Variants in EVX2 observed in about 807,000 individuals in gnomAD.
The protein encoded by EVX2 is homeobox even-skipped homolog protein 2.
A neutral mutation model predicts 19.2 loss-of-function variants in EVX2; 10 were observed. That is an observed-to-expected ratio of 0.52 (90% CI 0.32 to 0.89). The LOEUF (loss-of-function observed/expected upper bound fraction) is 0.89. EVX2 is among the 40% of genes least tolerant of loss of function. The pLI is 0.03. For synonymous variants in EVX2, 354 were observed against 328.4 expected (o/e 1.08, Z -0.84); for missense variants, 710 against 694.9 (o/e 1.02, Z -0.24).
chr2:176,083,320 T>C lies in EVX2; in HGVS notation c.427+30A>G, dbSNP rs1464698928. Reference sequence around the variant, plus strand: ...CGCGGAGGAGCAAAGAGGATGGGACTGGAGAGCGCGGTGCGGCCGGCGCGG... The same window carrying C: ...CGCGGAGGAGCAAAGAGGATGGGACCGGAGAGCGCGGTGCGGCCGGCGCGG... On this transcript the variant is annotated intron_variant, in intron 1 of 2. Coordinates refer to ENST00000308618, the MANE Select transcript of EVX2 (RefSeq NM_001080458.2). This position sits in a 1 kb window ranked among gnomAD's most constrained non-coding sequence, Gnocchi z 4.4. 1.6e-5 allele frequency: 25 copies of C among 1,549,594 alleles called. No individual in the cohort carries two copies. The highest frequency in any genetic ancestry group is 2.1e-5 in the Non-Finnish European group (24 of 1,145,600).
In EVX2 at chr2:176,079,503, C is replaced by G. The variant is rs1046336170; in HGVS notation, c.*604G>C. 1.3e-5 allele frequency: 2 copies of G among 152,368 alleles called. No homozygotes were observed. The highest frequency in any genetic ancestry group is 2.9e-5 in the Non-Finnish European group (2 of 68,178). The allele number at this position is 152,368 out of a possible 1,614,324, so 9.4% of individuals were successfully genotyped here. Reference sequence around the variant, plus strand: ...ACCACCGCTGCCCACGCTCTCCATCCGTCCTCCCGGCCTTATCAGACCTCC... The same window carrying G: ...ACCACCGCTGCCCACGCTCTCCATCGGTCCTCCCGGCCTTATCAGACCTCC... On this transcript the variant is annotated 3_prime_UTR_variant, in exon 3 of 3. Coordinates refer to ENST00000308618, the MANE Select transcript of EVX2 (RefSeq NM_001080458.2). This position sits in a 1 kb window ranked among gnomAD's most constrained non-coding sequence, Gnocchi z 4.4.
At position 176,081,206 on chromosome 2, in the gene EVX2, C is replaced by A. The variant is rs976337609; in HGVS notation, c.700-368G>T. Among the ~76,000 whole-genome samples, 7 of 152,160 alleles carry A rather than the reference C, an allele frequency of 4.6e-5. No homozygotes were observed. Among genetic ancestry groups the A allele is most frequent in the African/African-American group, 9.7e-5 (4 of 41,450 alleles). Reference sequence around the variant, plus strand: ...CCGTCTCTCAATCCCAGGATTTGTACGGGGATTCTGGGCAGCCTTTGAAGA... The same window carrying A: ...CCGTCTCTCAATCCCAGGATTTGTAAGGGGATTCTGGGCAGCCTTTGAAGA... On this transcript the variant is annotated intron_variant, in intron 2 of 2. Coordinates refer to ENST00000308618, the MANE Select transcript of EVX2 (RefSeq NM_001080458.2). This position sits in a 1 kb window ranked among gnomAD's most constrained non-coding sequence, Gnocchi z 5.9.
At position 176,083,707 on chromosome 2, in the gene EVX2, T is replaced by C. The variant is rs1287985277; in HGVS notation, c.70A>G (p.Arg24Gly). 1 of 1,613,994 alleles carries C rather than the reference T, an allele frequency of 6.2e-7. No homozygotes were observed. The highest frequency in any genetic ancestry group is 1.1e-5 in the South Asian group (1 of 91,086). The change falls in exon 1 of 3, where the codon AGA becomes GGA. Residue 24 changes from arginine to glycine, a missense_variant. Physicochemically the swap from Arg to Gly is moderately radical, Grantham distance 125. Coordinates refer to ENST00000308618, the MANE Select transcript of EVX2 (RefSeq NM_001080458.2). This position sits in a 1 kb window ranked among gnomAD's most constrained non-coding sequence, Gnocchi z 4.4. ...GCCGAGTTGGACAAATTGGAGAATC[T>C]CTTGCCCGCCGTAGGGCTGTGCAGC... The part of the protein sequence containing the change: ...RGLHSPTAGK[R>G]FSNLSNSAGN...
At position 176,080,806 on chromosome 2, in the gene EVX2, C is replaced by T; in HGVS notation, c.732G>A (p.Lys244=). Residue 244 remains lysine (K), a synonymous_variant, in exon 3 of 3, where the codon AAG becomes AAA. Coordinates refer to ENST00000308618, the MANE Select transcript of EVX2 (RefSeq NM_001080458.2). The surrounding 1 kb of genome is among the most constrained non-coding windows in gnomAD (Gnocchi z 7.0). ...GCCAGGACATGGCCAGGCGCTGCCG[C>T]TTGTCCTTCATGCGCCGGTTCTGGA... The part of the protein sequence containing the change: ...VWFQNRRMKD[K]RQRLAMSWPH... 1 of 1,612,418 alleles carries T rather than the reference C, an allele frequency of 6.2e-7. No homozygotes were observed. The highest frequency in any genetic ancestry group is 8.5e-7 in the Non-Finnish European group (1 of 1,179,744).
rs1368150485 is a variant in EVX2 at position 176,083,082 on chromosome 2, G to C, written c.427+268C>G. ...CCGGCTCGCTCGGGCTCTTAGACAC[G>C]AGCGCAGAAACATTTTCTCGGACTC... On this transcript the variant is annotated intron_variant, in intron 1 of 2. Transcript: ENST00000308618. The surrounding 1 kb of genome is among the most constrained non-coding windows in gnomAD (Gnocchi z 4.4). Among the ~76,000 whole-genome samples, 1 of 152,192 alleles carries C rather than the reference G, an allele frequency of 6.6e-6. No individual in the cohort carries two copies. Among genetic ancestry groups the C allele is most frequent in the Non-Finnish European group, 1.5e-5 (1 of 68,036 alleles).
rs897515005 is a variant in EVX2, at chr2:176,080,227, G to T, written c.1311C>A (p.Phe437Leu). 1.9e-5 allele frequency: 27 copies of T among 1,436,838 alleles called. No individual in the cohort carries two copies. The African/African-American group carries it at 4.0e-4, about 21-fold the overall frequency. 89.0% of individuals were successfully genotyped at this position (1,436,838 alleles called of 1,614,324 possible). A position where few individuals can be genotyped will look rare whatever the true frequency, so the allele number is the denominator to read the frequency against. The stretch of plus-strand genomic sequence containing the variant: ...AACGCGGCGCCGCCGCGCTGCAGCC[G>T]AAGTCCGAGCCTCCCCCGGCCCCGG... ...GGAGAGGGSD[F>L]GCSAAAPRSE... The change falls in exon 3 of 3, where the codon TTC becomes TTA. Residue 437 changes from phenylalanine (F) to leucine (L), a missense_variant. Coordinates refer to ENST00000308618, the MANE Select transcript of EVX2 (RefSeq NM_001080458.2). The surrounding 1 kb of genome is among the most constrained non-coding windows in gnomAD (Gnocchi z 7.0).
rs1271751198 is a variant in EVX2, at chr2:176,081,081, C to G, written c.700-243G>C. 6.6e-6 allele frequency among the ~76,000 whole-genome samples: 1 copy of G among 152,190 alleles called. No individual in the cohort carries two copies. The highest frequency in any genetic ancestry group is 1.5e-5 in the Non-Finnish European group (1 of 68,034). On this transcript the variant is annotated intron_variant, in intron 2 of 2. Transcript: ENST00000308618. The surrounding 1 kb of genome is among the most constrained non-coding windows in gnomAD (Gnocchi z 5.9). ...TCCCCCGCGTCCGGCTGCTGCTGCTCCTCAGGCTTTTATTCCCTTACTTCT... is the reference window on the plus strand; with the variant it reads ...TCCCCCGCGTCCGGCTGCTGCTGCTGCTCAGGCTTTTATTCCCTTACTTCT...
chr2:176,082,452 G>A lies in EVX2; in HGVS notation c.428-3C>T. ...AGCCGAGCCGCTCTCTGCGTACCCTGGCAAACAAACGACCAACAGCGCATG... is the reference window on the plus strand; with the variant it reads ...AGCCGAGCCGCTCTCTGCGTACCCTAGCAAACAAACGACCAACAGCGCATG... On this transcript the variant is annotated splice_polypyrimidine_tract_variant and splice_region_variant and intron_variant, in intron 1 of 2. Transcript: ENST00000308618. This position sits in a 1 kb window ranked among gnomAD's most constrained non-coding sequence, Gnocchi z 5.2. 1 of 1,541,968 alleles carries A rather than the reference G, an allele frequency of 6.5e-7. No individual in the cohort carries two copies. Among genetic ancestry groups the A allele is most frequent in the Non-Finnish European group, 8.7e-7 (1 of 1,146,204 alleles).
In EVX2 at chr2:176,081,891, G is replaced by A. The variant is rs571127629; in HGVS notation, c.699+287C>T. ...CGCCTAGGGGAAAGTGGGGCCGTGG[G>A]TATGGGCGAGGGGGCATCTGGCCAG... On this transcript the variant is annotated intron_variant, in intron 2 of 2. Transcript: ENST00000308618. This position sits in a 1 kb window ranked among gnomAD's most constrained non-coding sequence, Gnocchi z 5.9. Among the ~76,000 whole-genome samples, 35 of 152,336 alleles carry A rather than the reference G, an allele frequency of 2.3e-4. No homozygotes were observed. The highest frequency in any genetic ancestry group is 3.8e-4 in the Non-Finnish European group (26 of 68,032).
rs563733909 is a variant in EVX2, at chr2:176,080,788, C to T, written c.750G>A (p.Met250Ile). Residue 250 changes from methionine to isoleucine, a missense_variant, in exon 3 of 3, where the codon ATG becomes ATA. Met to Ile is a conservative substitution (Grantham distance 10, BLOSUM62 1). Transcript: ENST00000308618. This position sits in a 1 kb window ranked among gnomAD's most constrained non-coding sequence, Gnocchi z 7.0. ...RMKDKRQRLA[M>I]SWPHPADPSF... ...TGGGGTCGGCTGGGTGCGGCCAGGA[C>T]ATGGCCAGGCGCTGCCGCTTGTCCT... is the stretch of plus-strand genomic sequence containing the variant. 5.0e-6 allele frequency: 8 copies of T among 1,612,188 alleles called. No homozygotes were observed. The highest frequency in any genetic ancestry group is 3.3e-5 in the Admixed American group (2 of 59,964).
At position 176,080,699 on chromosome 2, in the gene EVX2, G is replaced by A. The variant is rs1214590362; in HGVS notation, c.839C>T (p.Ser280Leu). 1 of 1,604,408 alleles carries A rather than the reference G, an allele frequency of 6.2e-7. No individual in the cohort carries two copies. The highest frequency in any genetic ancestry group is 2.2e-5 in the East Asian group (1 of 44,694). The change falls in exon 3 of 3, where the codon TCG becomes TTG. Residue 280 changes from serine to leucine, a missense_variant. Physicochemically the swap from Ser to Leu is moderately radical, Grantham distance 145 (BLOSUM62 -2). Transcript: ENST00000308618. The surrounding 1 kb of genome is among the most constrained non-coding windows in gnomAD (Gnocchi z 7.0). Reference protein sequence around the residue: ...ATGSLPYPFHSHVPLHYYPHV... With the variant: ...ATGSLPYPFHLHVPLHYYPHV... ...CGGGTAGTAGTGCAGCGGCACGTGC[G>A]AGTGGAAGGGGTAGGGCAGGCTTCC...
chr2:176,080,385 C>T lies in EVX2; in HGVS notation c.1153G>A (p.Ala385Thr). The change falls in exon 3 of 3, where the codon GCA (alanine) becomes ACA (threonine). Residue 385 changes from alanine to threonine, a missense_variant. Coordinates refer to ENST00000308618, the MANE Select transcript of EVX2 (RefSeq NM_001080458.2). The surrounding 1 kb of genome is among the most constrained non-coding windows in gnomAD (Gnocchi z 7.0). Reference sequence around the variant, plus strand: ...TGGCAACTGAGGCACGAGCAGGGTGCAGAGCCGCCGCTGGGGGGCGCGCCG... The same window carrying T: ...TGGCAACTGAGGCACGAGCAGGGTGTAGAGCCGCCGCTGGGGGGCGCGCCG... ...AAGAPPSGGS[A>T]PCSCLSCHSS... 8.8e-7 allele frequency: 1 copy of T among 1,133,102 alleles called. No individual in the cohort carries two copies. Among genetic ancestry groups the T allele is most frequent in the South Asian group, 3.1e-5 (1 of 32,242 alleles). 70.2% of individuals were successfully genotyped at this position (1,133,102 alleles called of 1,614,324 possible).
At position 176,078,182 on chromosome 2, in the gene EVX2, G is replaced by A. The variant is rs1267235375; in HGVS notation, c.*1925C>T. 5 of 152,092 alleles carry A rather than the reference G, an allele frequency of 3.3e-5. No homozygotes were observed. The highest frequency in any genetic ancestry group is 1.5e-5 in the Non-Finnish European group (1 of 68,022). 9.4% of individuals were successfully genotyped at this position (152,092 alleles called of 1,614,324 possible). A position where few individuals can be genotyped will look rare whatever the true frequency, so the allele number is the denominator to read the frequency against. ...TCTTTAAAATAACAATATGATGGCA[G>A]GACACAAATCTGAAATAAACCACAG... On this transcript the variant is annotated 3_prime_UTR_variant, in exon 3 of 3. Coordinates refer to ENST00000308618, the MANE Select transcript of EVX2 (RefSeq NM_001080458.2).
rs748245928 is a variant in EVX2 at position 176,083,559 on chromosome 2, A to G, written c.218T>C (p.Ile73Thr). The G allele has an allele frequency of 1.9e-6, 3 of 1,613,944 alleles. No individual in the cohort carries two copies. Among genetic ancestry groups the G allele is most frequent in the South Asian group, 1.1e-5 (1 of 91,062 alleles). ...GTGCTGCAGGTTGAACAAAGTGTCTATTTCGAATTTGCCCTTGGCGGGGAG... is the reference window on the plus strand; with the variant it reads ...GTGCTGCAGGTTGAACAAAGTGTCTGTTTCGAATTTGCCCTTGGCGGGGAG... ...GELPAKGKFE[I>T]DTLFNLQHTG... Residue 73 changes from isoleucine to threonine, a missense_variant, in exon 1 of 3, where the codon ATA becomes ACA. Ile to Thr is a moderately conservative substitution (Grantham distance 89, BLOSUM62 -1). Transcript: ENST00000308618. The surrounding 1 kb of genome is among the most constrained non-coding windows in gnomAD (Gnocchi z 4.4).
In EVX2 at chr2:176,080,062, C is replaced by A; in HGVS notation, c.*45G>T. 8 of 1,503,894 alleles carry A rather than the reference C, an allele frequency of 5.3e-6. No homozygotes were observed. The highest frequency in any genetic ancestry group is 6.2e-6 in the Non-Finnish European group (7 of 1,125,704). 93.2% of individuals were successfully genotyped at this position (1,503,894 alleles called of 1,614,324 possible). ...AGGGGGCGCACAGGGGACTCCCGGGCACACTCAGAGAGGCGGGCGCGGCCC... is the reference window on the plus strand; with the variant it reads ...AGGGGGCGCACAGGGGACTCCCGGGAACACTCAGAGAGGCGGGCGCGGCCC... On this transcript the variant is annotated 3_prime_UTR_variant, in exon 3 of 3. Coordinates refer to ENST00000308618, the MANE Select transcript of EVX2 (RefSeq NM_001080458.2). This position sits in a 1 kb window ranked among gnomAD's most constrained non-coding sequence, Gnocchi z 7.0.
At position 176,083,239 on chromosome 2, in the gene EVX2, G is replaced by A; in HGVS notation, c.427+111C>T. Reference sequence around the variant, plus strand: ...CCCCCGCCCGTGCTAGCTCGGTGTAGCTTGCCTGTGGAGGGTCTGAGAGGG... The same window carrying A: ...CCCCCGCCCGTGCTAGCTCGGTGTAACTTGCCTGTGGAGGGTCTGAGAGGG... On this transcript the variant is annotated intron_variant, in intron 1 of 2. Transcript: ENST00000308618. The surrounding 1 kb of genome is among the most constrained non-coding windows in gnomAD (Gnocchi z 4.4). 4.4e-6 allele frequency: 5 copies of A among 1,148,484 alleles called. No individual in the cohort carries two copies. Among genetic ancestry groups the A allele is most frequent in the Non-Finnish European group, 6.1e-6 (5 of 816,914 alleles). The allele number at this position is 1,148,484 out of a possible 1,614,324, so 71.1% of individuals were successfully genotyped here.
At position 176,080,680 on chromosome 2, in the gene EVX2, G is replaced by T; in HGVS notation, c.858C>A (p.Tyr286Ter). 1 of 1,598,512 alleles carries T rather than the reference G, an allele frequency of 6.3e-7. No individual in the cohort carries two copies. The highest frequency in any genetic ancestry group is 8.5e-7 in the Non-Finnish European group (1 of 1,177,486). Residue 286 changes from tyrosine (Y) to a stop codon, truncating the protein, a stop_gained, in exon 3 of 3, where the codon TAC (tyrosine) becomes TAA (stop). Transcript: ENST00000308618. LOFTEE classifies it low-confidence loss of function (END_TRUNC). The surrounding 1 kb of genome is among the most constrained non-coding windows in gnomAD (Gnocchi z 7.0). ...YPFHSHVPLH[Y>*]YPHVGVTAAA... is the part of the protein sequence containing the mutation. ...CCGCCGTGACGCCCACGTGCGGGTA[G>T]TAGTGCAGCGGCACGTGCGAGTGGA...
chr2:176,083,544 T>A lies in EVX2; in HGVS notation c.233A>T (p.Asn78Ile), dbSNP rs747901985. ...KGKFEIDTLF[N>I]LQHTGSESTV... ...GCTTTCGCTGCCCGTGTGCTGCAGGTTGAACAAAGTGTCTATTTCGAATTT... is the reference window on the plus strand; with the variant it reads ...GCTTTCGCTGCCCGTGTGCTGCAGGATGAACAAAGTGTCTATTTCGAATTT... Residue 78 changes from asparagine (N) to isoleucine (I), a missense_variant, in exon 1 of 3, where the codon AAC becomes ATC. Asn to Ile is a moderately radical substitution (Grantham distance 149, BLOSUM62 -3). Coordinates refer to ENST00000308618, the MANE Select transcript of EVX2 (RefSeq NM_001080458.2). The surrounding 1 kb of genome is among the most constrained non-coding windows in gnomAD (Gnocchi z 4.4). 6.8e-6 allele frequency: 11 copies of A among 1,614,020 alleles called. No homozygotes were observed. Among genetic ancestry groups the A allele is most frequent in the South Asian group, 1.1e-5 (1 of 91,080 alleles).
Position 176,082,201 on chromosome 2 carries a change from T to C in EVX2, c.676A>G (p.Asn226Asp). 1 of 1,597,478 alleles carries C rather than the reference T, an allele frequency of 6.3e-7. No homozygotes were observed. Among genetic ancestry groups the C allele is most frequent in the Non-Finnish European group, 8.5e-7 (1 of 1,173,822 alleles). ...PRRCELAAALNLPETTIKVWF... is the reference protein window; with the variant it reads ...PRRCELAAALDLPETTIKVWF... ...ACCTTGATGGTGGTTTCGGGCAGGT[T>C]GAGTGCCGCGGCCAGCTCGCACCGG... Residue 226 changes from asparagine (N) to aspartate (D), a missense_variant, in exon 2 of 3, where the codon AAC becomes GAC. Asn to Asp is a conservative substitution (Grantham distance 23). Transcript: ENST00000308618. The surrounding 1 kb of genome is among the most constrained non-coding windows in gnomAD (Gnocchi z 5.2).
Sources: gnomAD v4.1 joint callset for allele counts (sites outside exome capture counted in the v4.1 genomes callset) on GRCh38, gnomAD v4.1.1 for gene constraint, Gnocchi (gnomAD v3.1) non-coding constraint, MANE v1.5 for transcripts, NCBI Gene and HGNC (gene_info 2026-07-23, HGNC 2026-07-21) for gene names.